PPA2: variants seen among roughly 807,000 people sequenced by gnomAD.
The protein encoded by PPA2 is inorganic pyrophosphatase 2.
Under a neutral mutation model 49.5 loss-of-function variants are expected in PPA2, and 48 were observed. That is an observed-to-expected ratio of 0.97 (90% CI 0.77 to 1.23). The LOEUF (loss-of-function observed/expected upper bound fraction) is 1.23. Among genes scored for constraint, PPA2 ranks in the 50% most tolerant of loss-of-function variants. The pLI is 0.00. For synonymous variants in PPA2, 131 were observed against 139.9 expected (o/e 0.94, Z 0.45); for missense variants, 429 against 410.1 (o/e 1.05, Z -0.40).
At chr4:105,464,601 C>T (rs1249591476) in intron 1 of PPA2, among the ~76,000 whole-genome samples, 1 of 152,150 alleles carries the variant, frequency 6.6e-6, no homozygotes, top group African/African-American at 2.4e-5. Flanking sequence ...TGAATTCCCA[C>T]ATGTTGTGGG....
chr4:105,425,822 G>A (rs922610330), intron 6 of PPA2, among the ~76,000 whole-genome samples: 5 of 151,410 alleles, frequency 3.3e-5, no homozygotes, highest in African/African-American at 1.2e-4. Context: ...TCAAAGTGCT[G>A]AAAACCAGTG....
intron 1 of PPA2, among the ~76,000 whole-genome samples, chr4:105,462,843 C>A (rs145472723): frequency 6.6e-6 from 1 of 152,172 alleles, no homozygotes; most frequent in Non-Finnish European, 1.5e-5. Flanking sequence ...CACAAGCTCT[C>A]GTCTGCCACC....
intron 1 of PPA2, among the ~76,000 whole-genome samples, chr4:105,462,374 A>T (rs968125723): frequency 3.9e-5 from 6 of 152,234 alleles, no homozygotes; most frequent in African/African-American, 1.4e-4. Context: ...TTTTTAAAAC[A>T]TCTATTTTGC....
chr4:105,386,575 C>T lies in PPA2; in HGVS notation c.931G>A (p.Val311Ile), dbSNP rs139739943. 1.4e-5 allele frequency: 22 copies of T among 1,611,048 alleles called. No homozygotes were observed. Among genetic ancestry groups the T allele is most frequent in the African/African-American group, 1.2e-4 (9 of 74,820 alleles). Residue 311 changes from valine to isoleucine, a missense_variant, in exon 10 of 12, where the codon GTT becomes ATT. Coordinates refer to ENST00000341695, the MANE Select transcript of PPA2 (RefSeq NM_176869.3). ...GGATGTTTGCCCCTTACCGATTCAA[C>T]TAATGATCTTGCTTCCTCTTGAGTG... ...RCTQEEARSL[V>I]ESVSSSPNKE...
intron 2 of PPA2, chr4:105,456,319 C>T (rs1371316023): frequency 8.9e-6 from 4 of 450,492 alleles, no homozygotes; most frequent in Non-Finnish European, 1.8e-5. Context: ...CAACTCATAA[C>T]AATTAAATAA....
At chr4:105,394,373 C>CAAAAAAAAAAAAAAAAAAA (rs34736301) in intron 9 of PPA2, among the ~76,000 whole-genome samples, 9 of 96,860 alleles carry the variant, frequency 9.3e-5, no homozygotes, top group East Asian at 3.2e-4. Flanking sequence ...GATTCCATTT[C>CAAAAAAAAAAAAAAAAAAA]AAAAAAAAAA....
intron 6 of PPA2, among the ~76,000 whole-genome samples, chr4:105,427,945 G>C (rs1723603388): frequency 6.6e-6 from 1 of 152,196 alleles, no homozygotes; most frequent in Non-Finnish European, 1.5e-5. Context: ...AGGGCAGCCA[G>C]AGAGAAAGGT....
At chr4:105,465,154 T>C (rs1723251098) in intron 1 of PPA2, among the ~76,000 whole-genome samples, 1 of 152,228 alleles carries the variant, frequency 6.6e-6, no homozygotes, top group Non-Finnish European at 1.5e-5. Flanking sequence ...TGAATATCTG[T>C]ATTTTTAGCA....
In PPA2 at chr4:105,449,391, T is replaced by C. The variant is rs1057517679; in HGVS notation, c.280A>G (p.Met94Val). ...GTCCACCGAGGTATTTCTACAATCA[T>C]ATTAAACAGATTCTGCAGTTAAAAA... ...RNDEYENLFNMIVEIPRWTNA... is the reference protein window; with the variant it reads ...RNDEYENLFNVIVEIPRWTNA... Residue 94 changes from methionine to valine, a missense_variant, in exon 4 of 12, where the codon ATG (methionine) becomes GTG (valine). Physicochemically the swap from Met to Val is conservative, Grantham distance 21. Transcript: ENST00000341695. The C allele has an allele frequency of 1.3e-6, 2 of 1,577,524 alleles. No individual in the cohort carries two copies. The highest frequency in any genetic ancestry group is 1.7e-6 in the Non-Finnish European group (2 of 1,154,630).
At position 105,438,040 on chromosome 4, in the gene PPA2, A is replaced by G. The variant is rs745682289; in HGVS notation, c.442-4T>C. ...TTTCATGGGGATCTTCCCAAGTCTA[A>G]AATTTTTTTTTTAAAAAAAAGCAGA... On this transcript the variant is annotated splice_polypyrimidine_tract_variant and splice_region_variant and intron_variant, in intron 5 of 11. Coordinates refer to ENST00000341695, the MANE Select transcript of PPA2 (RefSeq NM_176869.3). 1.9e-6 allele frequency: 3 copies of G among 1,590,710 alleles called. No homozygotes were observed. The highest frequency in any genetic ancestry group is 2.6e-6 in the Non-Finnish European group (3 of 1,171,968).
Position 105,449,315 on chromosome 4 carries a change from C to T in PPA2, c.321+35G>A, listed in dbSNP as rs1399195289. ...CAACAAAGTTTTATATCATTATAAT[C>T]ATTTCGGTTTCATATTAATAAAGTA... is the stretch of plus-strand genomic sequence containing the variant. On this transcript the variant is annotated intron_variant, in intron 4 of 11. Transcript: ENST00000341695. 11 of 1,257,386 alleles carry T rather than the reference C, an allele frequency of 8.7e-6. No homozygotes were observed. The African/African-American group carries it at 1.4e-4, about 16-fold the overall frequency. 77.9% of individuals were successfully genotyped at this position (1,257,386 alleles called of 1,614,324 possible). A position where few individuals can be genotyped will look rare whatever the true frequency, so the allele number is the denominator to read the frequency against.
intron 7 of PPA2, among the ~76,000 whole-genome samples, chr4:105,412,424 G>A (rs1367448827): frequency 6.6e-6 from 1 of 152,108 alleles, no homozygotes; most frequent in Non-Finnish European, 1.5e-5. Flanking sequence ...ACATAGGCAT[G>A]GGCAAAGACT....
chr4:105,397,604 C>T (rs1578816041), intron 8 of PPA2, among the ~76,000 whole-genome samples: 2 of 151,994 alleles, frequency 1.3e-5, no homozygotes, highest in Non-Finnish European at 2.9e-5. Flanking sequence ...AAATTTGATC[C>T]GCAGTGTTGG....
chr4:105,377,649 A>G (rs1332795964), intron 10 of PPA2, among the ~76,000 whole-genome samples: 1 of 152,132 alleles, frequency 6.6e-6, no homozygotes, highest in Non-Finnish European at 1.5e-5. Context: ...TCAAGATAAT[A>G]AACATATTCA....
intron 6 of PPA2, among the ~76,000 whole-genome samples, chr4:105,426,090 TG>T (rs1723493103): frequency 6.6e-6 from 1 of 152,176 alleles, no homozygotes; most frequent in Non-Finnish European, 1.5e-5. Flanking sequence ...AGGTTATGTG[TG>T]TGTATACATA....
intron 7 of PPA2, among the ~76,000 whole-genome samples, chr4:105,410,029 G>T (rs982860021): frequency 6.6e-6 from 1 of 152,200 alleles, no homozygotes; most frequent in East Asian, 1.9e-4. Flanking sequence ...GCAGCTCCTC[G>T]CCAGCAATGG....
chr4:105,391,590 C>A (rs1406736199), intron 9 of PPA2, among the ~76,000 whole-genome samples: 8 of 151,862 alleles, frequency 5.3e-5, no homozygotes, highest in Middle Eastern at 3.4e-3. Flanking sequence ...AGCAGTGATA[C>A]AACAGCCCAA....
At chr4:105,427,107 CCTGT>C (rs1290316846) in intron 6 of PPA2, among the ~76,000 whole-genome samples, 2 of 152,154 alleles carry the variant, frequency 1.3e-5, no homozygotes, top group Admixed American at 1.3e-4. Context: ...AGCTGAGGGA[CCTGT>C]CTGTTAGAAG....
intron 7 of PPA2, among the ~76,000 whole-genome samples, chr4:105,411,391 G>C (rs1392292258): frequency 2.6e-5 from 4 of 152,116 alleles, no homozygotes; most frequent in Non-Finnish European, 5.9e-5. Context: ...CCCAGTACAG[G>C]AGCACCCAGA....
Sources: gnomAD v4.1 joint callset for allele counts (sites outside exome capture counted in the v4.1 genomes callset) on GRCh38, gnomAD v4.1.1 for gene constraint, MANE v1.5 for transcripts, NCBI Gene and HGNC (gene_info 2026-07-23, HGNC 2026-07-21) for gene names.